The following MTUS1 variants were observed in gnomAD, a reference collection of about 807,000 sequenced individuals.
MTUS1 encodes the protein microtubule associated scaffold protein 1, also known as microtubule-associated tumor suppressor 1.
MTUS1 carries 109 observed loss-of-function variants against 120.8 expected under a neutral mutation model. The observed-to-expected ratio is 0.90, with a 90% CI of 0.77 to 1.06. MTUS1 has a LOEUF of 1.06. Ranked by LOEUF, MTUS1 falls within the 50% of genes least tolerant of loss-of-function variation. MTUS1 has a pLI of 0.00. For synonymous variants in MTUS1, 737 were observed against 550.5 expected, an observed-to-expected ratio of 1.34 and a Z score of -4.74; for missense variants, 2,210 against 1,486.3, an observed-to-expected ratio of 1.49 and a Z score of -8.01.
chr8:17,704,589 G>C (rs144729637), intron 6 of MTUS1, among the ~76,000 whole-genome samples: 1 of 151,998 alleles, frequency 6.6e-6, no homozygotes, highest in Non-Finnish European at 1.5e-5. Context: ...GTATATGCAC[G>C]GATTTATTTC....
chr8:17,762,997 CT>C (rs35362554), intron 1 of MTUS1, among the ~76,000 whole-genome samples: 9,262 of 146,578 alleles, frequency 0.063, 395 homozygotes, highest in Middle Eastern at 0.099. Flanking sequence ...CCAATGGTAC[CT>C]TTTTTTTTTT....
intron 4 of MTUS1, among the ~76,000 whole-genome samples, chr8:17,722,849 CTT>C (rs2045939216): frequency 6.6e-6 from 1 of 152,184 alleles, no homozygotes; most frequent in South Asian, 2.1e-4. Context: ...CATTATTACA[CTT>C]TGTCCCCAAC....
chr8:17,733,987 T>C (rs1459354099), intron 3 of MTUS1, among the ~76,000 whole-genome samples: 1 of 152,192 alleles, frequency 6.6e-6, no homozygotes, highest in Non-Finnish European at 1.5e-5. Context: ...TATAATCTCC[T>C]ATATTACAGA....
At chr8:17,749,243 A>G (rs2048003139) in intron 2 of MTUS1, among the ~76,000 whole-genome samples, 1 of 152,172 alleles carries the variant, frequency 6.6e-6, no homozygotes, top group African/African-American at 2.4e-5. Flanking sequence ...CTCCCCCTGA[A>G]GCCGGCTACC....
intron 3 of MTUS1, among the ~76,000 whole-genome samples, chr8:17,735,130 A>G (rs1341943743): frequency 1.3e-5 from 2 of 152,042 alleles, no homozygotes; most frequent in Non-Finnish European, 2.9e-5. Context: ...CTTAGTCTCT[A>G]CATATTTTTA....
At chr8:17,661,873 C>T (rs907607445) in intron 8 of MTUS1, among the ~76,000 whole-genome samples, 4 of 152,310 alleles carry the variant, frequency 2.6e-5, no homozygotes, top group Admixed American at 2.6e-4. Context: ...TGCTGGGGAA[C>T]AGCTGGGCTG....
At chr8:17,786,897 C>T (rs2131558300) in intron 1 of MTUS1, among the ~76,000 whole-genome samples, 1 of 152,316 alleles carries the variant, frequency 6.6e-6, no homozygotes, top group East Asian at 1.9e-4. Flanking sequence ...CTTATGAACT[C>T]TTCCACCTCA....
At chr8:17,779,983 C>T (rs2050746679) in intron 1 of MTUS1, among the ~76,000 whole-genome samples, 1 of 152,160 alleles carries the variant, frequency 6.6e-6, no homozygotes, top group Admixed American at 6.5e-5. Flanking sequence ...GGATGTGTGT[C>T]CCCTCCAAAT....
In MTUS1 at chr8:17,721,693, C is replaced by T. The variant is rs773939064; in HGVS notation, c.2449+1979G>A. 4 of 1,545,716 alleles carry T rather than the reference C, an allele frequency of 2.6e-6. No individual in the cohort carries two copies. In the South Asian group the frequency reaches 5.0e-5, roughly 19 times the overall value. On this transcript the variant is annotated intron_variant, in intron 4 of 14. Transcript: ENST00000693296. ...TAAGCATGCTTACAAAGAAAAGAAA[C>T]CAGAAATCGTCGACCTACTTTTTTT...
intron 10 of MTUS1, chr8:17,654,210 T>C (rs980725806): frequency 7.5e-6 from 2 of 268,172 alleles, no homozygotes; most frequent in Non-Finnish European, 1.4e-5. Flanking sequence ...GCAACACTGC[T>C]GTGCAGGAGC....
At chr8:17,723,423 A>G (rs891636458) in intron 4 of MTUS1, 1 of 528,094 alleles carries the variant, frequency 1.9e-6, no homozygotes, top group Non-Finnish European at 3.4e-6. Flanking sequence ...TAAACCTCCA[A>G]AACACCATCA....
At chr8:17,650,040 G>C in intron 12 of MTUS1, 78 bp from the exon 13 acceptor site, 1 of 822,780 alleles carries the variant, frequency 1.2e-6, no homozygotes, top group Non-Finnish European at 2.1e-6. Flanking sequence ...TGATTAGATT[G>C]AGACATTAGA....
At chr8:17,753,104 C>A (rs959365723) in intron 2 of MTUS1, among the ~76,000 whole-genome samples, 1 of 152,148 alleles carries the variant, frequency 6.6e-6, no homozygotes, top group African/African-American at 2.4e-5. Flanking sequence ...TTTTATATAC[C>A]AGGAATTAAT....
At chr8:17,659,065 T>C (rs1809095830) in intron 8 of MTUS1, among the ~76,000 whole-genome samples, 1 of 152,026 alleles carries the variant, frequency 6.6e-6, no homozygotes, top group African/African-American at 2.4e-5. Flanking sequence ...CTCCTAAACA[T>C]ATAGATAAGG....
chr8:17,689,389 G>A (rs1488557243), intron 6 of MTUS1, among the ~76,000 whole-genome samples: 1 of 152,122 alleles, frequency 6.6e-6, no homozygotes, highest in Non-Finnish European at 1.5e-5. Flanking sequence ...CACATTAAAA[G>A]CAGATTAGAG....
chr8:17,776,537 G>C (rs1416824943), intron 1 of MTUS1, among the ~76,000 whole-genome samples: 1 of 151,922 alleles, frequency 6.6e-6, no homozygotes, highest in Non-Finnish European at 1.5e-5. Flanking sequence ...AAATGAGCTG[G>C]GCATTGTGGC....
intron 13 of MTUS1, among the ~76,000 whole-genome samples, chr8:17,648,923 GT>G (rs1806397825): frequency 6.6e-6 from 1 of 152,246 alleles, no homozygotes; most frequent in African/African-American, 2.4e-5. Context: ...CTTGGTTAGA[GT>G]CCTGGCTGGC....
chr8:17,645,049 C>G lies in MTUS1; in HGVS notation c.*877G>C, dbSNP rs1365017738. 2 of 86,534 alleles carry G rather than the reference C, an allele frequency of 2.3e-5. No individual in the cohort carries two copies. The highest frequency in any genetic ancestry group is 9.2e-5 in the African/African-American group (2 of 21,678). The allele number at this position is 86,534 out of a possible 1,614,324, so 5.4% of individuals were successfully genotyped here. A position where few individuals can be genotyped will look rare whatever the true frequency, so the allele number is the denominator to read the frequency against. ...CCCATTGGTACTTCCCTTTTTCTTT[C>G]TTTACACAGTTAGTTAGTTAGTTTG... is the stretch of plus-strand genomic sequence containing the variant. On this transcript the variant is annotated 3_prime_UTR_variant, in exon 15 of 15. Transcript: ENST00000693296.
At chr8:17,646,186 A>G (rs1378947990) in intron 14 of MTUS1, 47 bp from the exon 15 acceptor site, 1 of 1,502,390 alleles carries the variant, frequency 6.7e-7, no homozygotes, top group South Asian at 1.3e-5. Flanking sequence ...AAAAAAAAAA[A>G]AAACTTGAAA....
Sources: gnomAD v4.1 joint callset for allele counts (sites outside exome capture counted in the v4.1 genomes callset) on GRCh38, gnomAD v4.1.1 for gene constraint, MANE v1.5 for transcripts, NCBI Gene and HGNC (gene_info 2026-07-23, HGNC 2026-07-21) for gene names.